SLC12A5: variants seen among roughly 807,000 people sequenced by gnomAD.
SLC12A5 encodes solute carrier family 12 member 5, also known as K-Cl cotransporter 2.
In SLC12A5, 18 loss-of-function variants were observed where a neutral mutation model predicts 124.0. That is an observed-to-expected ratio of 0.15 (90% CI 0.10 to 0.22). SLC12A5 has a LOEUF of 0.22. Ranked by LOEUF, SLC12A5 falls within the 10% of genes least tolerant of loss-of-function variation. The probability of loss-of-function intolerance (pLI) is 1.00; values close to 1 mark genes in which losing one functional copy is unlikely to be tolerated. For missense variants in SLC12A5, 867 were observed against 1,478.7 expected (o/e 0.59, Z 6.78); for synonymous variants, 589 against 568.0 (o/e 1.04, Z -0.53).
chr20:46,054,785 G>T (rs2145505680), intron 20 of SLC12A5, 131 bp from the exon 21 acceptor site: 3 of 637,190 alleles, frequency 4.7e-6, no homozygotes, highest in Middle Eastern at 5.3e-4. Flanking sequence ...TGATTGGGTA[G>T]GGAAGCCCTA....
intron 6 of SLC12A5, among the ~76,000 whole-genome samples, chr20:46,039,969 A>G (rs180775940): frequency 6.6e-6 from 1 of 152,362 alleles, no homozygotes; most frequent in Non-Finnish European, 1.5e-5. Context: ...ATTAAGAATT[A>G]TAATTAACAA....
In SLC12A5 at chr20:46,029,375, G is replaced by A. The variant is rs1049361669; in HGVS notation, c.31G>A (p.Gly11Ser). The change falls in exon 1 of 26, where the codon GGC (glycine) becomes AGC (serine). Residue 11 changes from glycine to serine, a missense_variant. This residue lies in a region of SLC12A5 where 58 missense variants were observed against 52.2 expected (regional missense o/e 1.11). Coordinates refer to ENST00000243964, the MANE Select transcript of SLC12A5 (RefSeq NM_020708.5). ...AAACAACCTGACGGACTGCGAGGAC[G>A]GCGATGGGGGAGCCAACCCGGGTAA... is the stretch of plus-strand genomic sequence containing the variant. MLNNLTDCED[G>S]DGGANPGDGN... 21 of 1,549,456 alleles carry A rather than the reference G, an allele frequency of 1.4e-5. No homozygotes were observed. The highest frequency in any genetic ancestry group is 1.4e-5 in the Non-Finnish European group (16 of 1,146,504).
At position 46,051,695 on chromosome 20, in the gene SLC12A5, G is replaced by T; in HGVS notation, c.2202G>T (p.Glu734Asp). Residue 734 changes from glutamate to aspartate, a missense_variant, in exon 18 of 26, where the codon GAG becomes GAT. Physicochemically the swap from Glu to Asp is conservative, Grantham distance 45. Around this residue, in one of 9 missense-constraint regions of SLC12A5, gnomAD observed 110 missense variants for 149.9 expected, o/e 0.73. Coordinates refer to ENST00000243964, the MANE Select transcript of SLC12A5 (RefSeq NM_020708.5). ...CCTAGTCTATCAGGCGCCTGATGGA[G>T]GCAGAGAAGGTGAAGGGCTTCTGCC... ...RAEESIRRLM[E>D]AEKVKGFCQV... 6.2e-7 allele frequency: 1 copy of T among 1,609,210 alleles called. No individual in the cohort carries two copies. Among genetic ancestry groups the T allele is most frequent in the African/African-American group, 1.3e-5 (1 of 74,758 alleles).
At chr20:46,039,269 G>T (rs1431279686) in intron 6 of SLC12A5, among the ~76,000 whole-genome samples, 1 of 151,884 alleles carries the variant, frequency 6.6e-6, no homozygotes, top group Non-Finnish European at 1.5e-5. Flanking sequence ...TGTGCATAAA[G>T]AATAGATTAT....
intron 1 of SLC12A5, chr20:46,021,920 C>A: frequency 6.8e-7 from 1 of 1,472,132 alleles, no homozygotes; most frequent in Non-Finnish European, 9.0e-7. Flanking sequence ...CTGCCAGGGC[C>A]GGGCGGGACG....
intron 16 of SLC12A5, among the ~76,000 whole-genome samples, chr20:46,049,344 A>C (rs1443997162): frequency 6.6e-6 from 1 of 152,230 alleles, no homozygotes; most frequent in Non-Finnish European, 1.5e-5. Flanking sequence ...TGTGTGGATA[A>C]TTGAATGAAT....
At chr20:46,030,171 C>T (rs2084436169) in intron 1 of SLC12A5, among the ~76,000 whole-genome samples, 1 of 152,044 alleles carries the variant, frequency 6.6e-6, no homozygotes, top group Non-Finnish European at 1.5e-5. Context: ...ACCCTCCTTT[C>T]TTCCCTCTTT....
rs2084487655 is a variant in SLC12A5, at chr20:46,035,342, C to T, written c.148-62C>T. On this transcript the variant is annotated intron_variant, in intron 2 of 25. Coordinates refer to ENST00000243964, the MANE Select transcript of SLC12A5 (RefSeq NM_020708.5). ...TGTCCCCATCTCTTCCTCTGCCCTT[C>T]GCCACCCAGCTCACTCCACTTGCTC... 4 of 1,567,910 alleles carry T rather than the reference C, an allele frequency of 2.6e-6. No individual in the cohort carries two copies. In the South Asian group the frequency reaches 3.5e-5, roughly 14 times the overall value.
chr20:46,034,991 C>A lies in SLC12A5; in HGVS notation c.96C>A (p.Thr32=). 6.2e-7 allele frequency: 1 copy of A among 1,613,978 alleles called. No individual in the cohort carries two copies. Among genetic ancestry groups the A allele is most frequent in the Non-Finnish European group, 8.5e-7 (1 of 1,179,950 alleles). ...AAAGCAGTCCCTTCATCAACAGCAC[C>A]GACACAGAGAAGGGAAAGGAGTATG... ...PKESSPFINS[T]DTEKGKEYDG... Residue 32 remains threonine, a synonymous_variant, in exon 2 of 26, where the codon ACC becomes ACA. Transcript: ENST00000243964.
chr20:46,029,162 G>T, upstream of SLC12A5: 1 of 1,406,754 alleles, frequency 7.1e-7, no homozygotes, highest in Non-Finnish European at 9.2e-7. Context: ...GGGGGCGCGC[G>T]CGGGTGTGAG....
At position 46,057,415 on chromosome 20, in the gene SLC12A5, A is replaced by C. The variant is rs1393891060; in HGVS notation, c.3260-99A>C. The C allele has an allele frequency of 6.9e-6, 11 of 1,604,236 alleles. No homozygotes were observed. The highest frequency in any genetic ancestry group is 1.6e-4 in the Middle Eastern group (1 of 6,070). ...TCCTGCCTCCGGATCAGCACCTCGG[A>C]CAGGGACACGGGCGCGAGAGGTCCC... On this transcript the variant is annotated intron_variant, in intron 25 of 25. Coordinates refer to ENST00000243964, the MANE Select transcript of SLC12A5 (RefSeq NM_020708.5). This position sits in a 1 kb window ranked among gnomAD's most constrained non-coding sequence, Gnocchi z 7.1.
chr20:46,023,008 G>A (rs965535749), exon 2 of SLC12A5: 20 of 402,390 alleles, frequency 5.0e-5, no homozygotes, highest in Middle Eastern at 6.1e-4. Flanking sequence ...GGAGGAAGAG[G>A]AGGAGGAGGA....
upstream of SLC12A5, chr20:46,021,826 C>A: frequency 6.5e-7 from 1 of 1,534,448 alleles, no homozygotes; most frequent in Non-Finnish European, 8.7e-7. Context: ...AAGCCCTGAC[C>A]CAGAGTCCCG....
upstream of SLC12A5, among the ~76,000 whole-genome samples, chr20:46,025,797 G>A (rs954344504): frequency 6.6e-6 from 1 of 152,168 alleles, no homozygotes; most frequent in Non-Finnish European, 1.5e-5. Flanking sequence ...TCCGAGGATG[G>A]GGCATGCGGG....
chr20:46,052,289 A>C (rs1024204400), intron 18 of SLC12A5, among the ~76,000 whole-genome samples: 1 of 152,248 alleles, frequency 6.6e-6, no homozygotes, highest in Non-Finnish European at 1.5e-5. Context: ...CGTTTCTAGA[A>C]TGAGTTCTGT....
At position 46,059,726 on chromosome 20, in the gene SLC12A5, CTTTATA is replaced by C. The variant is rs1218910410; in HGVS notation, c.*2122_*2127del. On this transcript the variant is annotated 3_prime_UTR_variant, in exon 26 of 26. Transcript: ENST00000243964. ...TATCACAAGTCATTCATCAAGTTAT[CTTTATA>C]ATCACTGTAGTTAGATGTTTCATGT... 1 of 398,868 alleles carries C rather than the reference CTTTATA, an allele frequency of 2.5e-6. No individual in the cohort carries two copies. Among genetic ancestry groups the C allele is most frequent in the Non-Finnish European group, 4.4e-6 (1 of 225,974 alleles). 24.7% of individuals were successfully genotyped at this position (398,868 alleles called of 1,614,324 possible). A position where few individuals can be genotyped will look rare whatever the true frequency, so the allele number is the denominator to read the frequency against.
chr20:46,041,229 C>A, intron 7 of SLC12A5, 100 bp from the exon 8 acceptor site: 1 of 955,428 alleles, frequency 1.0e-6, no homozygotes, highest in East Asian at 2.6e-5. Flanking sequence ...GATATGGGGA[C>A]CTGGCGTCCG....
chr20:46,033,342 A>G (rs996990534), intron 1 of SLC12A5, among the ~76,000 whole-genome samples: 1 of 152,070 alleles, frequency 6.6e-6, no homozygotes, highest in African/African-American at 2.4e-5. Flanking sequence ...GTGTCCAGAG[A>G]GATGTCAACT....
rs570814668 is a variant in SLC12A5, at chr20:46,057,900, G to A, written c.*295G>A. On this transcript the variant is annotated 3_prime_UTR_variant, in exon 26 of 26. Coordinates refer to ENST00000243964, the MANE Select transcript of SLC12A5 (RefSeq NM_020708.5). The surrounding 1 kb of genome is among the most constrained non-coding windows in gnomAD (Gnocchi z 7.1). ...GACGCTGCAATAAAGGTTGGGAGAA[G>A]GCGCGGAAAGGAGAGGAGCTGGGGC... The A allele has an allele frequency of 5.3e-5, 18 of 339,446 alleles. No individual in the cohort carries two copies. Among genetic ancestry groups the A allele is most frequent in the Middle Eastern group, 8.1e-4 (1 of 1,242 alleles). The allele number at this position is 339,446 out of a possible 1,614,324, so 21.0% of individuals were successfully genotyped here.
Sources: gnomAD v4.1 joint callset for allele counts (sites outside exome capture counted in the v4.1 genomes callset) on GRCh38, gnomAD v4.1.1 for gene constraint, gnomAD v4.1.1 regional missense constraint, Gnocchi (gnomAD v3.1) non-coding constraint, MANE v1.5 for transcripts, NCBI Gene and HGNC (gene_info 2026-07-23, HGNC 2026-07-21) for gene names.